The following EMC1 variants were observed in gnomAD, a reference collection of about 807,000 sequenced individuals.
EMC1 encodes the protein KIAA0090.
In EMC1, 103 loss-of-function variants were observed where a neutral mutation model predicts 128.8. The ratio of observed to expected loss-of-function variants is 0.80; its 90% CI spans 0.68 to 0.94. The LOEUF (loss-of-function observed/expected upper bound fraction) is 0.94. Ranked by LOEUF, EMC1 falls within the 40% of genes least tolerant of loss-of-function variation. EMC1 has a pLI of 0.00. For missense variants in EMC1, 1,083 were observed against 1,250.6 expected (o/e 0.87, Z 2.02); for synonymous variants, 442 against 490.4 (o/e 0.90, Z 1.30).
At chr1:19,229,377 G>A (rs575806048) in intron 17 of EMC1, 2 of 152,242 alleles carry the variant, frequency 1.3e-5, no homozygotes, top group South Asian at 2.1e-4. Flanking sequence ...AGAGAGGAAG[G>A]TCACCAAGTG....
rs746674701 is a variant in EMC1, at chr1:19,241,097, C to T, written c.555G>A (p.Val185=). 5.6e-6 allele frequency: 9 copies of T among 1,614,168 alleles called. No homozygotes were observed. The East Asian group carries it at 2.0e-4, about 36-fold the overall frequency. The change falls in exon 6 of 23, where the codon GTG becomes GTA. Residue 185 remains valine, a synonymous_variant. Coordinates refer to ENST00000477853, the MANE Select transcript of EMC1 (RefSeq NM_015047.3). ...YQMVYSYGSG[V]VWALGVVPFS... is the part of the protein sequence containing the mutation. ...AGGGAACAACTCCGAGGGCCCACAC[C>T]ACCCCAGAGCCGTAAGAATACACCA...
In EMC1 at chr1:19,244,005, A is replaced by G; in HGVS notation, c.231T>C (p.His77=). The change falls in exon 3 of 23, where the codon CAT becomes CAC. Residue 77 remains histidine, a synonymous_variant. Coordinates refer to ENST00000477853, the MANE Select transcript of EMC1 (RefSeq NM_015047.3). The part of the protein sequence containing the change: ...NSRTGEILWR[H]VDKGTAEGAV... ...CCCCTTCTGCCGTGCCCTTGTCAACATGGCGCCACACTGAGAGACATGAAA... is the reference window on the plus strand; with the variant it reads ...CCCCTTCTGCCGTGCCCTTGTCAACGTGGCGCCACACTGAGAGACATGAAA... 1 of 1,614,162 alleles carries G rather than the reference A, an allele frequency of 6.2e-7. No individual in the cohort carries two copies. Among genetic ancestry groups the G allele is most frequent in the Non-Finnish European group, 8.5e-7 (1 of 1,180,040 alleles).
chr1:19,222,303 A>T (rs145911807), intron 20 of EMC1, among the ~76,000 whole-genome samples: 28 of 151,574 alleles, frequency 1.8e-4, no homozygotes, highest in Middle Eastern at 3.4e-3. Flanking sequence ...TACCAAAAAA[A>T]ATTTTTTTAA....
chr1:19,238,275 A>G (rs2093581017), intron 10 of EMC1, 136 bp from the exon 11 acceptor site: 9 of 951,844 alleles, frequency 9.5e-6, no homozygotes, highest in Non-Finnish European at 1.4e-5. Context: ...AAAGGAGAAT[A>G]AAAGAGAAAA....
intron 15 of EMC1, 72 bp from the exon 16 acceptor site, chr1:19,231,494 TG>T: frequency 1.4e-6 from 2 of 1,480,706 alleles, no homozygotes; most frequent in Non-Finnish European, 1.8e-6. Flanking sequence ...CCTGAAGAGC[TG>T]GGACTCCAGC....
chr1:19,230,811 C>T, intron 17 of EMC1, 33 bp downstream of exon 17: 1 of 1,612,604 alleles, frequency 6.2e-7, no homozygotes, highest in Non-Finnish European at 8.5e-7. Flanking sequence ...GCATCTCATC[C>T]ACAAAGGGTT....
chr1:19,227,544 C>A, intron 17 of EMC1, 94 bp from the exon 18 acceptor site: 2 of 1,446,162 alleles, frequency 1.4e-6, no homozygotes, highest in East Asian at 2.3e-5. Flanking sequence ...TTATTTGAGG[C>A]CTTTGTGCAG....
Position 19,216,036 on chromosome 1 carries a change from A to G in EMC1, c.*3267T>C, listed in dbSNP as rs1362694464. The G allele has an allele frequency of 1.3e-5, 2 of 152,082 alleles. No individual in the cohort carries two copies. Among genetic ancestry groups the G allele is most frequent in the Admixed American group, 1.3e-4 (2 of 15,260 alleles). 9.4% of individuals were successfully genotyped at this position (152,082 alleles called of 1,614,324 possible). A position where few individuals can be genotyped will look rare whatever the true frequency, so the allele number is the denominator to read the frequency against. On this transcript the variant is annotated 3_prime_UTR_variant, in exon 23 of 23. Coordinates refer to ENST00000477853, the MANE Select transcript of EMC1 (RefSeq NM_015047.3). ...TAGGAATCAGGAAATGAGTCTTGGG[A>G]TGATTCTGATGATACTTTGTGTAAT...
intron 1 of EMC1, among the ~76,000 whole-genome samples, chr1:19,246,801 A>C (rs2093633960): frequency 6.6e-6 from 1 of 152,152 alleles, no homozygotes; most frequent in African/African-American, 2.4e-5. Context: ...AAATAAATAA[A>C]TAATAAAAAT....
intron 1 of EMC1, among the ~76,000 whole-genome samples, chr1:19,248,358 C>T (rs569418021): frequency 1.3e-5 from 2 of 152,144 alleles, no homozygotes; most frequent in South Asian, 2.1e-4. Flanking sequence ...CCACCATGCC[C>T]GGCTAATTTT....
intron 21 of EMC1, chr1:19,220,258 A>G: frequency 6.2e-6 from 1 of 160,086 alleles, no homozygotes; most frequent in Non-Finnish European, 1.4e-5. Context: ...TGGCTTGCCC[A>G]CATGGTCTGG....
At chr1:19,222,304 A>T (rs971350124) in intron 20 of EMC1, among the ~76,000 whole-genome samples, 25 of 151,474 alleles carry the variant, frequency 1.7e-4, no homozygotes, top group African/African-American at 3.4e-4. Flanking sequence ...ACCAAAAAAA[A>T]TTTTTTTAAT....
chr1:19,217,135 C>T lies in EMC1; in HGVS notation c.*2168G>A, dbSNP rs1409180286. ...AGAGAATTGAGAGAGGAAACATAGT[C>T]TCAGCAGCCATTAGTGGAGACTGAG... On this transcript the variant is annotated 3_prime_UTR_variant, in exon 23 of 23. Coordinates refer to ENST00000477853, the MANE Select transcript of EMC1 (RefSeq NM_015047.3). The T allele has an allele frequency of 1.3e-5, 2 of 152,190 alleles. No individual in the cohort carries two copies. The highest frequency in any genetic ancestry group is 4.8e-5 in the African/African-American group (2 of 41,442). 9.4% of individuals were successfully genotyped at this position (152,190 alleles called of 1,614,324 possible). A position where few individuals can be genotyped will look rare whatever the true frequency, so the allele number is the denominator to read the frequency against.
intron 17 of EMC1, among the ~76,000 whole-genome samples, 172 bp downstream of exon 17, chr1:19,230,672 T>C (rs542956993): frequency 1.3e-5 from 2 of 152,224 alleles, no homozygotes; most frequent in East Asian, 3.8e-4. Context: ...GTATCTGCCA[T>C]GTAGTAGCTG....
intron 1 of EMC1, among the ~76,000 whole-genome samples, chr1:19,249,905 G>A (rs1569573782): frequency 6.6e-6 from 1 of 150,448 alleles, no homozygotes; most frequent in East Asian, 2.0e-4. Flanking sequence ...TACAGAATGA[G>A]TCCCTGTCTC....
In EMC1 at chr1:19,241,129, A is replaced by G; in HGVS notation, c.523T>C (p.Tyr175His). ...GAGCCGTAAGAATACACCATCTGGT[A>G]GTGGATGCTGTCACTAAGAGAGGGA... ...EHLPESDSIHYQMVYSYGSGV... is the reference protein window; with the variant it reads ...EHLPESDSIHHQMVYSYGSGV... The change falls in exon 6 of 23, where the codon TAC becomes CAC. Residue 175 changes from tyrosine to histidine, a missense_variant. Around this residue, in one of 3 missense-constraint regions of EMC1, gnomAD observed 544 missense variants for 572.4 expected, o/e 0.95. Coordinates refer to ENST00000477853, the MANE Select transcript of EMC1 (RefSeq NM_015047.3). 2 of 1,614,178 alleles carry G rather than the reference A, an allele frequency of 1.2e-6. No homozygotes were observed. The highest frequency in any genetic ancestry group is 2.2e-5 in the South Asian group (2 of 91,082).
intron 10 of EMC1, 29 bp from the exon 11 acceptor site, chr1:19,238,168 AC>A: frequency 6.2e-7 from 1 of 1,609,412 alleles, no homozygotes; most frequent in Non-Finnish European, 8.5e-7. Context: ...CGTGTCAACT[AC>A]AGGTATCCCC....
chr1:19,237,543 C>T (rs710879), intron 11 of EMC1, among the ~76,000 whole-genome samples: 28,595 of 152,000 alleles, frequency 0.19, 3,469 homozygotes, highest in African/African-American at 0.33. Context: ...TTAGACTTTC[C>T]GCTTTAGAAA....
chr1:19,227,994 T>C (rs543874977), intron 17 of EMC1, among the ~76,000 whole-genome samples: 2 of 152,148 alleles, frequency 1.3e-5, no homozygotes, highest in East Asian at 3.9e-4. Flanking sequence ...TCACCTGAGG[T>C]CGGGAGTTTG....
Sources: gnomAD v4.1 joint callset for allele counts (sites outside exome capture counted in the v4.1 genomes callset) on GRCh38, gnomAD v4.1.1 for gene constraint, gnomAD v4.1.1 regional missense constraint, MANE v1.5 for transcripts, NCBI Gene and HGNC (gene_info 2026-07-23, HGNC 2026-07-21) for gene names.